The following CNTN5 variants were observed in gnomAD, a reference collection of about 807,000 sequenced individuals.
CNTN5 encodes contactin-5.
In CNTN5, 77 loss-of-function variants were observed where a neutral mutation model predicts 129.1. That is an observed-to-expected ratio of 0.60 (90% CI 0.50 to 0.72). The LOEUF is 0.72. Among genes scored for constraint, CNTN5 ranks in the 30% least tolerant of loss-of-function variants. The pLI is 0.00. For missense variants in CNTN5, 1,478 were observed against 1,328.8 expected, an observed-to-expected ratio of 1.11 and a Z score of -1.75; for synonymous variants, 509 against 465.6, an observed-to-expected ratio of 1.09 and a Z score of -1.20.
At chr11:99,655,097 G>C (rs867667256) in intron 3 of CNTN5, among the ~76,000 whole-genome samples, 3 of 152,094 alleles carry the variant, frequency 2.0e-5, no homozygotes, top group African/African-American at 7.2e-5. Flanking sequence ...CCATTCCTCT[G>C]TGGGGGTCTT....
At chr11:99,675,733 T>C (rs1489856550) in intron 3 of CNTN5, among the ~76,000 whole-genome samples, 1 of 152,080 alleles carries the variant, frequency 6.6e-6, no homozygotes, top group Non-Finnish European at 1.5e-5. Flanking sequence ...GGAAATTCTT[T>C]AAAATTCAAG....
chr11:99,582,124 T>A (rs1565318740), intron 3 of CNTN5, among the ~76,000 whole-genome samples: 1 of 152,164 alleles, frequency 6.6e-6, no homozygotes, highest in Admixed American at 6.5e-5. Context: ...GGTTGAAAAT[T>A]CTTTTCTTTA....
At chr11:99,949,449 T>C (rs1198879758) in intron 7 of CNTN5, among the ~76,000 whole-genome samples, 1 of 152,036 alleles carries the variant, frequency 6.6e-6, no homozygotes, top group Non-Finnish European at 1.5e-5. Context: ...AAATAGACTG[T>C]TGTTGGTTAA....
chr11:100,152,473 G>A (rs188060843), intron 13 of CNTN5, among the ~76,000 whole-genome samples: 3 of 152,266 alleles, frequency 2.0e-5, no homozygotes, highest in Non-Finnish European at 4.4e-5. Context: ...GCGTGACACA[G>A]AAGAAGTGAA....
intron 17 of CNTN5, among the ~76,000 whole-genome samples, chr11:100,260,421 G>A (rs1950170811): frequency 6.6e-6 from 1 of 152,174 alleles, no homozygotes; most frequent in Non-Finnish European, 1.5e-5. Flanking sequence ...TAGAGAAAGA[G>A]GGACTCCTCC....
intron 1 of CNTN5, among the ~76,000 whole-genome samples, chr11:99,024,937 C>A (rs72996399): frequency 1.3e-5 from 2 of 151,888 alleles, no homozygotes; most frequent in African/African-American, 4.8e-5. Flanking sequence ...CATTTTTAAA[C>A]GTTTCAGAAA....
chr11:99,822,571 T>C (rs1946835421), intron 4 of CNTN5, among the ~76,000 whole-genome samples: 1 of 152,096 alleles, frequency 6.6e-6, no homozygotes, highest in Admixed American at 6.5e-5. Context: ...AAACATGAAC[T>C]TGAGATAGCA....
intron 18 of CNTN5, among the ~76,000 whole-genome samples, chr11:100,282,890 T>C (rs1950670868): frequency 6.6e-6 from 1 of 150,566 alleles, no homozygotes; most frequent in Non-Finnish European, 1.5e-5. Context: ...CAGGTAGTAC[T>C]GCCAGTCTAC....
At chr11:100,166,283 C>T (rs1947632432) in intron 13 of CNTN5, among the ~76,000 whole-genome samples, 1 of 151,650 alleles carries the variant, frequency 6.6e-6, no homozygotes, top group Admixed American at 6.6e-5. Flanking sequence ...CTTCATCTGA[C>T]CAGACATTAT....
chr11:99,230,770 A>G (rs1457433599), intron 1 of CNTN5, among the ~76,000 whole-genome samples: 2 of 152,122 alleles, frequency 1.3e-5, no homozygotes, highest in Non-Finnish European at 2.9e-5. Flanking sequence ...CATAGGTATT[A>G]AGCCCCAGCA....
intron 2 of CNTN5, among the ~76,000 whole-genome samples, chr11:99,356,257 C>T (rs1938663210): frequency 6.6e-6 from 1 of 152,178 alleles, no homozygotes; most frequent in South Asian, 2.1e-4. Flanking sequence ...TAAACAAGTA[C>T]ACTTCTAGAT....
chr11:100,088,597 T>A (rs183184754), intron 13 of CNTN5, among the ~76,000 whole-genome samples: 86 of 152,212 alleles, frequency 5.7e-4, no homozygotes, highest in Admixed American at 8.5e-4. Flanking sequence ...CCTCAGAGAC[T>A]ATTATGAACA....
At chr11:100,148,237 C>T (rs879768565) in intron 13 of CNTN5, among the ~76,000 whole-genome samples, 1 of 152,118 alleles carries the variant, frequency 6.6e-6, no homozygotes, top group Non-Finnish European at 1.5e-5. Flanking sequence ...AAGCTTGTCC[C>T]ATAGTTGTTT....
At chr11:99,473,217 T>C (rs1025494795) in intron 2 of CNTN5, among the ~76,000 whole-genome samples, 7 of 152,158 alleles carry the variant, frequency 4.6e-5, no homozygotes, top group Admixed American at 4.6e-4. Context: ...AGCAACAACC[T>C]TGGAAAATCT....
intron 2 of CNTN5, among the ~76,000 whole-genome samples, chr11:99,552,139 C>T (rs1443416534): frequency 1.3e-5 from 2 of 151,586 alleles, no homozygotes; most frequent in Admixed American, 1.3e-4. Flanking sequence ...AACTCCTGAC[C>T]TCAAGTGATC....
chr11:99,957,979 T>C (rs1038832238), intron 8 of CNTN5, among the ~76,000 whole-genome samples: 6 of 151,780 alleles, frequency 4.0e-5, no homozygotes, highest in South Asian at 2.1e-4. Flanking sequence ...TATATACATA[T>C]ATAGATAGAG....
chr11:99,357,168 C>T (rs1412561254), intron 2 of CNTN5, among the ~76,000 whole-genome samples: 1 of 152,226 alleles, frequency 6.6e-6, no homozygotes, highest in South Asian at 2.1e-4. Context: ...ATGGCAGTGG[C>T]GTTTGAACTC....
intron 1 of CNTN5, among the ~76,000 whole-genome samples, chr11:99,174,563 A>G (rs527297169): frequency 1.3e-5 from 2 of 152,238 alleles, no homozygotes; most frequent in East Asian, 3.9e-4. Context: ...CATAGACTAC[A>G]TGGAGGACAG....
intron 4 of CNTN5, among the ~76,000 whole-genome samples, chr11:99,825,261 T>G (rs1382210518): frequency 3.3e-5 from 5 of 152,020 alleles, no homozygotes; most frequent in Admixed American, 6.5e-5. Flanking sequence ...CTGTTTTCTA[T>G]ATGTAATTCC....
Sources: gnomAD v4.1 joint callset for allele counts (sites outside exome capture counted in the v4.1 genomes callset) on GRCh38, gnomAD v4.1.1 for gene constraint, MANE v1.5 for transcripts, NCBI Gene and HGNC (gene_info 2026-07-23, HGNC 2026-07-21) for gene names.